ROBO1: variants seen among roughly 807,000 people sequenced by gnomAD.
ROBO1 encodes the protein roundabout guidance receptor 1, also known as roundabout homolog 1.
A neutral mutation model predicts 195.9 loss-of-function variants in ROBO1; 149 were observed. The observed-to-expected ratio is 0.76, with a 90% CI of 0.67 to 0.87. The LOEUF (loss-of-function observed/expected upper bound fraction) is 0.87. Ranked by LOEUF, ROBO1 falls within the 40% of genes least tolerant of loss-of-function variation. The probability of loss-of-function intolerance (pLI) is 0.00; values close to 1 mark genes in which losing one functional copy is unlikely to be tolerated. For synonymous variants in ROBO1, 816 were observed against 733.2 expected, an observed-to-expected ratio of 1.11 and a Z score of -1.82; for missense variants, 1,933 against 2,068.3, an observed-to-expected ratio of 0.93 and a Z score of 1.27.
chr3:79,675,561 G>T, intron 1 of ROBO1, among the ~76,000 whole-genome samples: 1 of 152,000 alleles, frequency 6.6e-6, no homozygotes, highest in African/African-American at 2.4e-5. Flanking sequence ...TAGCTGGAGG[G>T]TAAAGAGAAA....
intron 2 of ROBO1, among the ~76,000 whole-genome samples, chr3:79,335,216 A>G (rs1302481607): frequency 2.0e-5 from 3 of 152,242 alleles, no homozygotes; most frequent in Non-Finnish European, 4.4e-5. Context: ...TTTACTACAT[A>G]TACTACATAT....
At chr3:79,475,304 G>T (rs1006348011) in intron 2 of ROBO1, among the ~76,000 whole-genome samples, 2 of 151,928 alleles carry the variant, frequency 1.3e-5, no homozygotes, top group Admixed American at 1.3e-4. Context: ...ATCTCAAAAT[G>T]AACACATATT....
chr3:79,502,525 C>T (rs1321318413), intron 2 of ROBO1, among the ~76,000 whole-genome samples: 1 of 152,080 alleles, frequency 6.6e-6, no homozygotes, highest in East Asian at 1.9e-4. Context: ...GGCTCCTGCA[C>T]GGCCTGAGCC....
chr3:79,561,598 T>G (rs1304088591), intron 2 of ROBO1, among the ~76,000 whole-genome samples: 3 of 152,170 alleles, frequency 2.0e-5, no homozygotes, highest in Admixed American at 2.0e-4. Flanking sequence ...CATGAAGTCT[T>G]TTTAAACAGG....
intron 4 of ROBO1, among the ~76,000 whole-genome samples, chr3:78,910,268 C>G (rs2038166261): frequency 6.6e-6 from 1 of 151,802 alleles, no homozygotes; most frequent in South Asian, 2.1e-4. Context: ...TTTCAAGCCA[C>G]TTTATAAATT....
At chr3:79,589,727 G>A in intron 2 of ROBO1, 97 bp downstream of exon 2, 2 of 988,820 alleles carry the variant, frequency 2.0e-6, no homozygotes, top group Non-Finnish European at 1.6e-6. Context: ...CAAAGAAAAT[G>A]AACAAACTTG....
chr3:79,622,728 C>G (rs1380154402), intron 1 of ROBO1, among the ~76,000 whole-genome samples: 1 of 152,210 alleles, frequency 6.6e-6, no homozygotes, highest in African/African-American at 2.4e-5. Flanking sequence ...GCAGACATAG[C>G]TTTTCCTGCT....
chr3:79,000,326 T>C (rs1418887223), intron 3 of ROBO1, among the ~76,000 whole-genome samples: 1 of 152,168 alleles, frequency 6.6e-6, no homozygotes, highest in African/African-American at 2.4e-5. Context: ...AGTAGACCTT[T>C]GTCAGATGGA....
chr3:79,071,227 T>A (rs890840203), intron 3 of ROBO1, among the ~76,000 whole-genome samples: 1 of 151,896 alleles, frequency 6.6e-6, no homozygotes, highest in African/African-American at 2.4e-5. Context: ...ATACAGATTT[T>A]ATTTTAATTA....
intron 1 of ROBO1, among the ~76,000 whole-genome samples, chr3:79,706,938 T>C (rs558025486): frequency 5.1e-4 from 78 of 152,234 alleles, no homozygotes; most frequent in African/African-American, 1.8e-3. Flanking sequence ...TACATTGATA[T>C]TAATAAGAAA....
intron 3 of ROBO1, among the ~76,000 whole-genome samples, chr3:79,114,576 C>T (rs556633245): frequency 6.6e-6 from 1 of 152,178 alleles, no homozygotes; most frequent in East Asian, 1.9e-4. Flanking sequence ...GCAACCATTA[C>T]TCTATATGCA....
At chr3:78,636,896 T>C (rs1195521061) in intron 22 of ROBO1, among the ~76,000 whole-genome samples, 1 of 142,544 alleles carries the variant, frequency 7.0e-6, no homozygotes, top group Non-Finnish European at 1.5e-5. Context: ...ATTTGGACAT[T>C]AAATAACTGA....
intron 2 of ROBO1, among the ~76,000 whole-genome samples, chr3:79,469,293 G>A (rs1000232991): frequency 2.0e-5 from 3 of 152,094 alleles, no homozygotes; most frequent in African/African-American, 7.2e-5. Flanking sequence ...TAATCTGGAA[G>A]CAATACACAG....
intron 4 of ROBO1, among the ~76,000 whole-genome samples, chr3:78,844,941 A>C (rs1487485576): frequency 4.6e-5 from 7 of 152,090 alleles, no homozygotes; most frequent in Non-Finnish European, 8.8e-5. Flanking sequence ...GTGGATTTGA[A>C]GACATATGTC....
At chr3:79,634,513 C>T (rs976987400) in intron 1 of ROBO1, among the ~76,000 whole-genome samples, 2 of 152,160 alleles carry the variant, frequency 1.3e-5, no homozygotes, top group Admixed American at 6.5e-5. Context: ...AGTAAATTTT[C>T]TTATAATCTG....
At chr3:79,670,569 C>T (rs1028670473) in intron 1 of ROBO1, among the ~76,000 whole-genome samples, 2 of 151,782 alleles carry the variant, frequency 1.3e-5, no homozygotes, top group African/African-American at 2.4e-5. Context: ...ACTGTCAAAC[C>T]TAGCTAAACC....
intron 2 of ROBO1, among the ~76,000 whole-genome samples, chr3:79,345,771 A>G (rs1188926851): frequency 1.3e-5 from 2 of 152,166 alleles, no homozygotes; most frequent in African/African-American, 2.4e-5. Flanking sequence ...TTCCAGGGTA[A>G]TGAACAATTT....
chr3:78,981,659 G>A (rs948074068), intron 3 of ROBO1, among the ~76,000 whole-genome samples: 1 of 151,916 alleles, frequency 6.6e-6, no homozygotes. Context: ...AACAATACCC[G>A]AAGTATAGCA....
At chr3:78,946,065 T>C (rs113736628) in intron 3 of ROBO1, among the ~76,000 whole-genome samples, 14,780 of 152,122 alleles carry the variant, frequency 0.097, 1,685 homozygotes, top group African/African-American at 0.28. Context: ...CTGAAAGTGA[T>C]GGGGAGAATG....
Sources: gnomAD v4.1 joint callset for allele counts (sites outside exome capture counted in the v4.1 genomes callset) on GRCh38, gnomAD v4.1.1 for gene constraint, MANE v1.5 for transcripts, NCBI Gene and HGNC (gene_info 2026-07-23, HGNC 2026-07-21) for gene names.